Variants in TNRC18 observed in about 807,000 individuals in gnomAD.
TNRC18 encodes the protein trinucleotide repeat-containing gene 18 protein.
TNRC18 carries 69 observed loss-of-function variants against 226.7 expected under a neutral mutation model. The ratio of observed to expected loss-of-function variants is 0.30; its 90% CI spans 0.25 to 0.37. TNRC18 has a LOEUF of 0.37. TNRC18 is among the 10% of genes least tolerant of loss of function. The pLI is 1.00. For synonymous variants in TNRC18, 2,449 were observed against 1,927.6 expected (o/e 1.27, Z -7.09); for missense variants, 4,754 against 4,256.6 (o/e 1.12, Z -3.25).
chr7:5,388,981 C>T lies in TNRC18; in HGVS notation c.843G>A (p.Leu281=), dbSNP rs1023922669. The change falls in exon 5 of 30, where the codon CTG becomes CTA. Residue 281 remains leucine (L), a synonymous_variant. Coordinates refer to ENST00000430969, the MANE Select transcript of TNRC18 (RefSeq NM_001080495.3). ...CCCCGGCGCCGCCGTTGCACATGGT[C>T]AGTACCGACGGCTGCAGCGCCGCAT... ...TKNAALQPSV[L]TMCNGGAGDV... 4 of 1,389,320 alleles carry T rather than the reference C, an allele frequency of 2.9e-6. No individual in the cohort carries two copies. Among genetic ancestry groups the T allele is most frequent in the African/African-American group, 3.1e-5 (2 of 63,760 alleles). The allele number at this position is 1,389,320 out of a possible 1,614,324, so 86.1% of individuals were successfully genotyped here. A position where few individuals can be genotyped will look rare whatever the true frequency, so the allele number is the denominator to read the frequency against.
chr7:5,390,982 C>T (rs957728315), intron 3 of TNRC18, among the ~76,000 whole-genome samples: 1 of 152,164 alleles, frequency 6.6e-6, no homozygotes, highest in Non-Finnish European at 1.5e-5. Context: ...GACTTAATGT[C>T]CTCACTTTAA....
intron 2 of TNRC18, among the ~76,000 whole-genome samples, chr7:5,401,780 G>C (rs577623014): frequency 2.0e-5 from 3 of 152,204 alleles, no homozygotes; most frequent in African/African-American, 7.2e-5. Flanking sequence ...GCACATCGGA[G>C]GTACTCAAGT....
rs965892257 is a variant in TNRC18, at chr7:5,388,162, A to C, written c.1662T>G (p.Pro554=). Residue 554 remains proline, a synonymous_variant, in exon 5 of 30, where the codon CCT becomes CCG. Coordinates refer to ENST00000430969, the MANE Select transcript of TNRC18 (RefSeq NM_001080495.3). ...CCGCCGAGCGGGGCAGCACAGCCCC[A>C]GGGTCCAGGTAGGCCTTCTTGGAGG... ...ASSSKKAYLD[P]GAVLPRSAAT... 6.4e-7 allele frequency: 1 copy of C among 1,574,016 alleles called. No individual in the cohort carries two copies. The highest frequency in any genetic ancestry group is 8.6e-7 in the Non-Finnish European group (1 of 1,161,820).
intron 17 of TNRC18, among the ~76,000 whole-genome samples, chr7:5,346,450 C>A (rs1353739119): frequency 6.6e-6 from 1 of 152,056 alleles, no homozygotes; most frequent in African/African-American, 2.4e-5. Context: ...GAGCTGAGAT[C>A]GCATCACTGC....
rs767483336 is a variant in TNRC18 at position 5,325,252 on chromosome 7, G to A, written c.6148-4C>T. On this transcript the variant is annotated splice_polypyrimidine_tract_variant and splice_region_variant and intron_variant, in intron 19 of 29. Transcript: ENST00000430969. ...CAGCCTCTTTCCCTTTCTTCTTCTGGAGGAGGAAGCAGCAGAGAGGAGCCA... is the reference window on the plus strand; with the variant it reads ...CAGCCTCTTTCCCTTTCTTCTTCTGAAGGAGGAAGCAGCAGAGAGGAGCCA... The A allele has an allele frequency of 6.4e-7, 1 of 1,550,760 alleles. No individual in the cohort carries two copies. The highest frequency in any genetic ancestry group is 1.2e-5 in the South Asian group (1 of 84,680).
intron 2 of TNRC18, among the ~76,000 whole-genome samples, chr7:5,402,850 T>C (rs1042194097): frequency 7.2e-6 from 1 of 139,040 alleles, no homozygotes; most frequent in Non-Finnish European, 1.5e-5. Context: ...TGAGACTCTG[T>C]CTCAAAAAAA....
intron 2 of TNRC18, among the ~76,000 whole-genome samples, chr7:5,413,854 T>A (rs1461827020): frequency 3.3e-5 from 5 of 152,074 alleles, no homozygotes; most frequent in African/African-American, 9.7e-5. Context: ...TTTAAATGCT[T>A]ATTTTGAAAT....
chr7:5,396,889 G>A (rs1780726987), intron 2 of TNRC18, among the ~76,000 whole-genome samples: 1 of 152,190 alleles, frequency 6.6e-6, no homozygotes, highest in East Asian at 1.9e-4. Context: ...TAAAGGGCCT[G>A]TATACAAGTG....
At chr7:5,352,277 T>C (rs527559250) in intron 16 of TNRC18, among the ~76,000 whole-genome samples, 183 bp from the exon 17 acceptor site, 1 of 152,280 alleles carries the variant, frequency 6.6e-6, no homozygotes, top group East Asian at 1.9e-4. Flanking sequence ...CAGTCCAGGC[T>C]TCTCCCTTGC....
Position 5,312,317 on chromosome 7 carries a change from G to A in TNRC18, c.8388+186C>T, listed in dbSNP as rs189751156. ...CTGAAGGACTCGGGCATCGGAGTCC[G>A]ACAGACCCAGGTGCCTGAGGACACT... On this transcript the variant is annotated intron_variant, in intron 27 of 29. Transcript: ENST00000430969. The surrounding 1 kb of genome is among the most constrained non-coding windows in gnomAD (Gnocchi z 6.3). Among the ~76,000 whole-genome samples the A allele has an allele frequency of 1.7e-4, 26 of 152,298 alleles. No homozygotes were observed. The highest frequency in any genetic ancestry group is 5.1e-4 in the African/African-American group (21 of 41,566).
rs1288104739 is a variant in TNRC18, at chr7:5,307,883, C to T, written c.*223G>A. On this transcript the variant is annotated 3_prime_UTR_variant, in exon 30 of 30. Transcript: ENST00000430969. ...CTAAGAGGGGCCCCTGTCCTGGGGG[C>T]ACTGAGGGGTTGGAAGGTGGGGCTG... 3 of 579,150 alleles carry T rather than the reference C, an allele frequency of 5.2e-6. No homozygotes were observed. The highest frequency in any genetic ancestry group is 3.7e-5 in the African/African-American group (2 of 53,370). 35.9% of individuals were successfully genotyped at this position (579,150 alleles called of 1,614,324 possible). A position where few individuals can be genotyped will look rare whatever the true frequency, so the allele number is the denominator to read the frequency against.
rs962973517 is a variant in TNRC18, at chr7:5,403,796, A to G, written c.188-9201T>C. Among the ~76,000 whole-genome samples, 8 of 152,106 alleles carry G rather than the reference A, an allele frequency of 5.3e-5. No homozygotes were observed. In the East Asian group the frequency reaches 1.4e-3, roughly 26 times the overall value. On this transcript the variant is annotated intron_variant, in intron 2 of 29. Coordinates refer to ENST00000430969, the MANE Select transcript of TNRC18 (RefSeq NM_001080495.3). ...CAGAGTGAGACCCTGTCTGTTTAAA[A>G]AAAAAAAAAAACTGCATCCCTTAAA...
chr7:5,313,919 T>A (rs1787574025), intron 26 of TNRC18, 56 bp from the exon 27 acceptor site: 1 of 1,403,714 alleles, frequency 7.1e-7, no homozygotes, highest in South Asian at 1.9e-5. Flanking sequence ...AGAGATGAGC[T>A]GTGGCTTTTA....
chr7:5,346,184 G>A (rs1051970972), intron 17 of TNRC18, among the ~76,000 whole-genome samples: 19 of 152,258 alleles, frequency 1.2e-4, no homozygotes, highest in African/African-American at 4.6e-4. Flanking sequence ...ACAACACAGA[G>A]GCAGGAGGAG....
At chr7:5,356,159 G>A (rs1280517761) in intron 16 of TNRC18, among the ~76,000 whole-genome samples, 50 of 140,948 alleles carry the variant, frequency 3.5e-4, no homozygotes, top group African/African-American at 1.3e-3. Flanking sequence ...GTGAGACTCC[G>A]TCTCAAATTA....
At position 5,394,761 on chromosome 7, in the gene TNRC18, C is replaced by G. The variant is rs2128203376; in HGVS notation, c.188-166G>C. ...GGGTTCCCCTGCTCCGGCCCCACCC[C>G]TGGGCTGCAAGATGGTCCTGGATCA... On this transcript the variant is annotated intron_variant, in intron 2 of 29. Transcript: ENST00000430969. This position sits in a 1 kb window ranked among gnomAD's most constrained non-coding sequence, Gnocchi z 4.5. Among the ~76,000 whole-genome samples the G allele has an allele frequency of 6.6e-6, 1 of 152,218 alleles. No homozygotes were observed. Among genetic ancestry groups the G allele is most frequent in the East Asian group, 1.9e-4 (1 of 5,160 alleles).
chr7:5,370,345 C>T (rs1427462379), intron 11 of TNRC18, 30 bp downstream of exon 11: 1 of 1,521,584 alleles, frequency 6.6e-7, no homozygotes, highest in Non-Finnish European at 8.8e-7. Flanking sequence ...ACTCACGAAT[C>T]TGCAGAACTC....
In TNRC18 at chr7:5,388,165, G is replaced by T; in HGVS notation, c.1659C>A (p.Asp553Glu). ...CCGAGCGGGGCAGCACAGCCCCAGG[G>T]TCCAGGTAGGCCTTCTTGGAGGAGG... is the stretch of plus-strand genomic sequence containing the variant. ...AASSSKKAYL[D>E]PGAVLPRSAA... Residue 553 changes from aspartate to glutamate, a missense_variant, in exon 5 of 30, where the codon GAC becomes GAA. Physicochemically the swap from Asp to Glu is conservative, Grantham distance 45. Coordinates refer to ENST00000430969, the MANE Select transcript of TNRC18 (RefSeq NM_001080495.3). 3.8e-6 allele frequency: 6 copies of T among 1,575,812 alleles called. No individual in the cohort carries two copies. Among genetic ancestry groups the T allele is most frequent in the Non-Finnish European group, 5.2e-6 (6 of 1,162,750 alleles).
intron 24 of TNRC18, among the ~76,000 whole-genome samples, chr7:5,319,282 T>G (rs1433104459): frequency 1.3e-5 from 2 of 152,202 alleles, no homozygotes; most frequent in Non-Finnish European, 2.9e-5. Context: ...GCTTCCATCT[T>G]CTGGGTATGA....
Sources: gnomAD v4.1 joint callset for allele counts (sites outside exome capture counted in the v4.1 genomes callset) on GRCh38, gnomAD v4.1.1 for gene constraint, Gnocchi (gnomAD v3.1) non-coding constraint, MANE v1.5 for transcripts, NCBI Gene and HGNC (gene_info 2026-07-23, HGNC 2026-07-21) for gene names.